Variants in PDK1 observed in about 807,000 individuals in gnomAD.
PDK1 encodes the protein pyruvate dehydrogenase kinase 1.
PDK1 carries 39 observed loss-of-function variants against 54.2 expected under a neutral mutation model. The observed-to-expected ratio is 0.72, with a 90% CI of 0.56 to 0.94. The LOEUF is 0.94. Among genes scored for constraint, PDK1 ranks in the 40% least tolerant of loss-of-function variants. The probability of loss-of-function intolerance (pLI) is 0.00; values close to 1 mark genes in which losing one functional copy is unlikely to be tolerated. For missense variants in PDK1, 552 were observed against 566.0 expected (o/e 0.98, Z 0.25); for synonymous variants, 221 against 207.1 (o/e 1.07, Z -0.58).
chr2:172,717,308 G>A, the PDK1 span, among the ~76,000 whole-genome samples: 1 of 152,300 alleles, frequency 6.6e-6, no homozygotes, highest in South Asian at 2.1e-4. Context: ...AGCCTGGCTT[G>A]ACTGAAACCT....
chr2:172,653,460 G>A, the PDK1 span, among the ~76,000 whole-genome samples: 920 of 152,132 alleles, frequency 6.0e-3, 6 homozygotes, highest in Non-Finnish European at 0.01. Flanking sequence ...AATGTCAGCC[G>A]GGCATGGTCG....
At chr2:172,679,735 A>C in the PDK1 span, among the ~76,000 whole-genome samples, 1 of 152,134 alleles carries the variant, frequency 6.6e-6, no homozygotes, top group East Asian at 1.9e-4. Context: ...ATAATGGAAA[A>C]AAATGGGGAG....
At chr2:172,568,684 A>G in intron 6 of PDK1, 57 bp from the exon 7 acceptor site, 2 of 1,059,046 alleles carry the variant, frequency 1.9e-6, no homozygotes, top group South Asian at 1.3e-5. Context: ...GTTTATTCTT[A>G]AAAATGCTTT....
the PDK1 span, among the ~76,000 whole-genome samples, chr2:172,684,675 G>A: frequency 6.6e-6 from 1 of 152,250 alleles, no homozygotes; most frequent in Admixed American, 6.5e-5. Flanking sequence ...TGTGTCTTCA[G>A]TCTCAGCAAG....
At chr2:172,668,989 G>A in the PDK1 span, among the ~76,000 whole-genome samples, 1 of 148,358 alleles carries the variant, frequency 6.7e-6, no homozygotes, top group African/African-American at 2.5e-5. Context: ...CCCTGTGCCT[G>A]GCTTACTTAA....
At chr2:172,566,761 C>A in intron 5 of PDK1, 95 bp from the exon 6 acceptor site, 3 of 628,774 alleles carry the variant, frequency 4.8e-6, no homozygotes, top group Non-Finnish European at 5.4e-6. Context: ...GTAGAGAGTT[C>A]AAGACTTTGA....
At chr2:172,665,164 T>C in the PDK1 span, among the ~76,000 whole-genome samples, 2 of 151,834 alleles carry the variant, frequency 1.3e-5, no homozygotes, top group East Asian at 3.9e-4. Flanking sequence ...GTTTTTTTTT[T>C]CTTTTCTTTT....
At chr2:172,588,415 C>A (rs1299013367) in intron 9 of PDK1, among the ~76,000 whole-genome samples, 1 of 152,122 alleles carries the variant, frequency 6.6e-6, no homozygotes, top group African/African-American at 2.4e-5. Context: ...CCACAGATTC[C>A]CCACTTAGAA....
chr2:172,666,548 A>G, the PDK1 span, among the ~76,000 whole-genome samples: 1 of 152,174 alleles, frequency 6.6e-6, no homozygotes, highest in Non-Finnish European at 1.5e-5. Flanking sequence ...GTTGGACCAC[A>G]CAGTCTAAGC....
intron 2 of PDK1, among the ~76,000 whole-genome samples, chr2:172,560,916 G>C (rs556467819): frequency 1.3e-5 from 2 of 152,292 alleles, no homozygotes; most frequent in South Asian, 4.1e-4. Flanking sequence ...TTTAGCTGCA[G>C]GGCATTTCCC....
chr2:172,572,444 G>A lies in PDK1; in HGVS notation c.945+1620G>A, dbSNP rs182351353. ...TCCTAAGAAAAAACCCAAGTACTCC[G>A]TCAGGCACAGCAGCTCATGCCTGTA... On this transcript the variant is annotated intron_variant, in intron 8 of 10. Coordinates refer to ENST00000282077, the MANE Select transcript of PDK1 (RefSeq NM_002610.5). Among the ~76,000 whole-genome samples, 7 of 152,182 alleles carry A rather than the reference G, an allele frequency of 4.6e-5. No individual in the cohort carries two copies. In the East Asian group the frequency reaches 9.7e-4, roughly 21 times the overall value.
the PDK1 span, among the ~76,000 whole-genome samples, chr2:172,718,072 T>C: frequency 2.6e-5 from 4 of 152,170 alleles, no homozygotes; most frequent in African/African-American, 9.7e-5. Context: ...TGATTCATAA[T>C]GGAAAAGTAG....
At chr2:172,662,581 C>T in the PDK1 span, among the ~76,000 whole-genome samples, 1 of 149,548 alleles carries the variant, frequency 6.7e-6, no homozygotes, top group African/African-American at 2.5e-5. Flanking sequence ...CCATAGAAGG[C>T]TGTCGTACTG....
chr2:172,713,828 G>A, the PDK1 span, among the ~76,000 whole-genome samples: 1 of 152,152 alleles, frequency 6.6e-6, no homozygotes, highest in Non-Finnish European at 1.5e-5. Flanking sequence ...GTCTGTTCCC[G>A]GCTCCCCCGG....
At chr2:172,569,800 G>A (rs1689148112) in intron 7 of PDK1, among the ~76,000 whole-genome samples, 1 of 152,178 alleles carries the variant, frequency 6.6e-6, no homozygotes, top group African/African-American at 2.4e-5. Flanking sequence ...CTGCCCCAGA[G>A]TGTTGGGATT....
At chr2:172,635,338 CAG>C in the PDK1 span, among the ~76,000 whole-genome samples, 1 of 152,142 alleles carries the variant, frequency 6.6e-6, no homozygotes, top group Non-Finnish European at 1.5e-5. Flanking sequence ...AGGGATGAGA[CAG>C]AGTCTTGCTC....
At chr2:172,675,695 G>C in the PDK1 span, among the ~76,000 whole-genome samples, 1 of 152,230 alleles carries the variant, frequency 6.6e-6, no homozygotes, top group Admixed American at 6.5e-5. Flanking sequence ...TGAAGCAGCA[G>C]TGCTGAGGGA....
In PDK1 at chr2:172,568,822, G is replaced by T. The variant is rs974270578; in HGVS notation, c.846+5G>T. 6.6e-7 allele frequency: 1 copy of T among 1,526,126 alleles called. No individual in the cohort carries two copies. The highest frequency in any genetic ancestry group is 1.7e-5 in the Admixed American group (1 of 59,882). 94.5% of individuals were successfully genotyped at this position (1,526,126 alleles called of 1,614,324 possible). On this transcript the variant is annotated splice_donor_5th_base_variant and intron_variant, in intron 7 of 10. Coordinates refer to ENST00000282077, the MANE Select transcript of PDK1 (RefSeq NM_002610.5). Reference sequence around the variant, plus strand: ...ATGGTGTTTGAACTTTTCAAGGTTTGTAAAATAGTATTACATAACCTTTAC... The same window carrying T: ...ATGGTGTTTGAACTTTTCAAGGTTTTTAAAATAGTATTACATAACCTTTAC...
chr2:172,703,766 C>CTTTTTTTTTTTTTTTTTTTTTTTTT, the PDK1 span, among the ~76,000 whole-genome samples: 71 of 89,118 alleles, frequency 8.0e-4, 1 homozygote, highest in Non-Finnish European at 1.0e-3. Context: ...TTCTTTCTTT[C>CTTTTTTTTTTTTTTTTTTTTTTTTT]TTTTTTTTTT....
Sources: allele counts gnomAD v4.1 joint callset (sites outside exome capture counted in the v4.1 genomes callset), GRCh38; gene constraint gnomAD v4.1.1; transcripts MANE v1.5; gene names NCBI Gene and HGNC (gene_info 2026-07-23, HGNC 2026-07-21).